The following SORBS2 variants were observed in gnomAD, a reference collection of about 807,000 sequenced individuals.
The protein encoded by SORBS2 is sorbin and SH3 domain-containing protein 2.
In SORBS2, 46 loss-of-function variants were observed where a neutral mutation model predicts 97.7. The ratio of observed to expected loss-of-function variants is 0.47; its 90% CI spans 0.37 to 0.60. The LOEUF is 0.60. Ranked by LOEUF, SORBS2 falls within the 20% of genes least tolerant of loss-of-function variation. The pLI is 0.00. For synonymous variants in SORBS2, 476 were observed against 473.4 expected (o/e 1.01, Z -0.07); for missense variants, 1,316 against 1,282.3 (o/e 1.03, Z -0.40).
chr4:185,714,305 C>T (rs2098447230), intron 2 of SORBS2, among the ~76,000 whole-genome samples: 1 of 152,224 alleles, frequency 6.6e-6, no homozygotes, highest in Non-Finnish European at 1.5e-5. Context: ...AGCTTCACGT[C>T]ATCCCATTGC....
intron 1 of SORBS2, among the ~76,000 whole-genome samples, chr4:185,908,300 T>TATATATTTGTATACACACAA (rs1554049952): frequency 9.6e-5 from 9 of 94,210 alleles, no homozygotes; most frequent in East Asian, 4.4e-4. Context: ...TATATATATA[T>TATATATTTGTATACACACAA]ATATATATAT....
At chr4:185,639,428 A>G (rs1462415733) in intron 4 of SORBS2, among the ~76,000 whole-genome samples, 1 of 152,234 alleles carries the variant, frequency 6.6e-6, no homozygotes, top group East Asian at 1.9e-4. Flanking sequence ...GTTGTTTTTA[A>G]GATGAAAAAA....
intron 1 of SORBS2, among the ~76,000 whole-genome samples, chr4:185,808,856 A>G (rs2099167615): frequency 1.3e-5 from 2 of 152,234 alleles, no homozygotes; most frequent in South Asian, 4.1e-4. Flanking sequence ...GTCTGATTCC[A>G]TAACAAATTT....
chr4:185,756,942 GA>G, intron 2 of SORBS2: 12 of 1,462,408 alleles, frequency 8.2e-6, no homozygotes, highest in Admixed American at 1.7e-5. Context: ...CTGGGTAAGG[GA>G]AAAAGCATTT....
chr4:185,719,075 T>TA (rs2098489445), intron 2 of SORBS2, among the ~76,000 whole-genome samples: 1 of 143,194 alleles, frequency 7.0e-6, no homozygotes, highest in Non-Finnish European at 1.6e-5. Context: ...GAATCTGGTT[T>TA]TAAAAAAAAA....
At chr4:185,906,542 GAAATAAACACATACTGAAATC>G (rs1211805798) in intron 1 of SORBS2, among the ~76,000 whole-genome samples, 2 of 152,170 alleles carry the variant, frequency 1.3e-5, no homozygotes, top group African/African-American at 4.8e-5. Flanking sequence ...CTTTTGGTAT[GAAATAAACACATACTGAAATC>G]ATCTGTAAAT....
At chr4:185,758,688 G>A (rs941192156) in intron 2 of SORBS2, among the ~76,000 whole-genome samples, 1 of 151,928 alleles carries the variant, frequency 6.6e-6, no homozygotes, top group Non-Finnish European at 1.5e-5. Flanking sequence ...ACTCCCTTCA[G>A]TGCAAAAGCC....
intron 1 of SORBS2, among the ~76,000 whole-genome samples, chr4:185,888,916 T>C (rs2099241052): frequency 6.6e-6 from 1 of 152,204 alleles, no homozygotes; most frequent in African/African-American, 2.4e-5. Flanking sequence ...CAGGGCAGAG[T>C]AGGTGTTCGG....
intron 14 of SORBS2, chr4:185,587,923 C>A (rs758907357): frequency 3.0e-5 from 14 of 467,720 alleles, no homozygotes; most frequent in Non-Finnish European, 5.0e-5. Flanking sequence ...TCGCGGCAGG[C>A]TAAACAGAAA....
chr4:185,651,709 A>G (rs1561681220), intron 2 of SORBS2, 75 bp downstream of exon 11: 1 of 845,752 alleles, frequency 1.2e-6, no homozygotes, highest in East Asian at 2.4e-5. Context: ...AGAAGGGGAA[A>G]AAAGGTGACC....
chr4:185,708,904 G>GGAA (rs1303136253), intron 2 of SORBS2, among the ~76,000 whole-genome samples: 1 of 152,202 alleles, frequency 6.6e-6, no homozygotes, highest in East Asian at 1.9e-4. Context: ...TTTAAAATCT[G>GGAA]CATTAGAATA....
chr4:185,606,626 T>C lies in SORBS2; in HGVS notation c.2796+5154A>G. The C allele has an allele frequency of 5.1e-6, 5 of 984,782 alleles. No individual in the cohort carries two copies. Among genetic ancestry groups the C allele is most frequent in the African/African-American group, 1.7e-5 (1 of 57,158 alleles). The allele number at this position is 984,782 out of a possible 1,614,324, so 61.0% of individuals were successfully genotyped here. ...GCTGCATTGCTGTCCTCCTTGGGGG[T>C]CCTAGGATCTGTGGGGGTGGCTATG... On this transcript the variant is annotated intron_variant, in intron 12 of 14. Coordinates refer to ENST00000418609, the Ensembl canonical transcript of SORBS2. This position sits in a 1 kb window ranked among gnomAD's most constrained non-coding sequence, Gnocchi z 4.3.
At chr4:185,928,828 G>A (rs2099265038) in intron 1 of SORBS2, among the ~76,000 whole-genome samples, 1 of 152,118 alleles carries the variant, frequency 6.6e-6, no homozygotes, top group Admixed American at 6.5e-5. Flanking sequence ...TTCCAGGCGT[G>A]AGCCACCGCG....
chr4:185,879,163 C>T (rs2099235347), intron 1 of SORBS2, among the ~76,000 whole-genome samples: 2 of 83,478 alleles, frequency 2.4e-5, no homozygotes, highest in Admixed American at 1.0e-4. Flanking sequence ...TAATGCTATC[C>T]CTCCCCCCCC....
In SORBS2 at chr4:185,904,471, G is replaced by A. The variant is rs1579401590; in HGVS notation, c.-338+51725C>T. Among the ~76,000 whole-genome samples the A allele has an allele frequency of 3.3e-5, 5 of 152,278 alleles. No individual in the cohort carries two copies. The South Asian group carries it at 1.0e-3, about 32-fold the overall frequency. On this transcript the variant is annotated intron_variant, in intron 1 of 20. Coordinates refer to the SORBS2 transcript ENST00000284776. ...ACTGTGGAGAGACACCTGCCTCTCT[G>A]TAAGAACGGTAAAAAGCCTCCCTGC... is the stretch of plus-strand genomic sequence containing the variant.
intron 1 of SORBS2, among the ~76,000 whole-genome samples, chr4:185,908,595 C>T (rs1160915621): frequency 2.0e-5 from 3 of 151,744 alleles, no homozygotes; most frequent in South Asian, 2.1e-4. Flanking sequence ...AAGGGATCGC[C>T]GAGTAATGAT....
chr4:185,725,956 C>A (rs143106139), intron 2 of SORBS2, among the ~76,000 whole-genome samples: 2 of 152,108 alleles, frequency 1.3e-5, no homozygotes, highest in South Asian at 2.1e-4. Context: ...TCAAACTGAA[C>A]TTTTTGTTGC....
At chr4:185,875,369 T>C (rs778942889) in intron 1 of SORBS2, among the ~76,000 whole-genome samples, 14 of 152,208 alleles carry the variant, frequency 9.2e-5, no homozygotes, top group African/African-American at 1.4e-4. Context: ...TAAATATATT[T>C]GGTTTTCATT....
chr4:185,946,992 T>C (rs959586), intron 1 of SORBS2, among the ~76,000 whole-genome samples: 127,441 of 152,240 alleles, frequency 0.84, 54,043 homozygotes, highest in East Asian at 0.95. Flanking sequence ...TGACTTAGTG[T>C]TCTCACCTCC....
Sources: gnomAD v4.1 joint callset for allele counts (sites outside exome capture counted in the v4.1 genomes callset) on GRCh38, gnomAD v4.1.1 for gene constraint, Gnocchi (gnomAD v3.1) non-coding constraint, MANE v1.5 for transcripts, NCBI Gene and HGNC (gene_info 2026-07-23, HGNC 2026-07-21) for gene names.